DGKB: variants seen among roughly 807,000 people sequenced by gnomAD.
The protein encoded by DGKB is 90 kDa diacylglycerol kinase.
A neutral mutation model predicts 114.3 loss-of-function variants in DGKB; 67 were observed. The observed-to-expected ratio is 0.59, with a 90% CI of 0.48 to 0.72. The LOEUF is 0.72. Ranked by LOEUF, DGKB falls within the 30% of genes least tolerant of loss-of-function variation. The pLI is 0.00. For missense variants in DGKB, 907 were observed against 975.2 expected (o/e 0.93, Z 0.93); for synonymous variants, 398 against 323.1 (o/e 1.23, Z -2.49).
intron 23 of DGKB, among the ~76,000 whole-genome samples, chr7:14,213,944 T>C (rs1464877760): frequency 6.6e-6 from 1 of 152,186 alleles, no homozygotes; most frequent in Non-Finnish European, 1.5e-5. Context: ...TCCCTAGTTA[T>C]TAGTATAGTG....
intron 17 of DGKB, among the ~76,000 whole-genome samples, chr7:14,604,707 C>A (rs1293887198): frequency 6.6e-6 from 1 of 152,134 alleles, no homozygotes; most frequent in African/African-American, 2.4e-5. Flanking sequence ...ACACTCTTAG[C>A]ATGATCAGGG....
chr7:14,430,446 T>A (rs924230323), intron 21 of DGKB, among the ~76,000 whole-genome samples: 2 of 152,158 alleles, frequency 1.3e-5, no homozygotes, highest in African/African-American at 4.8e-5. Flanking sequence ...AAAATCATGA[T>A]TGGTTAACAT....
rs571108426 is a variant in DGKB at position 14,355,868 on chromosome 7, G to A, written c.1836-10477C>T. On this transcript the variant is annotated intron_variant, in intron 21 of 25. Coordinates refer to ENST00000402815, the MANE Select transcript of DGKB (RefSeq NM_001350709.2). ...GAAGGAATGGTACCAGCTCCTCCTC[G>A]TACCTCTGGTAGAATTCGGCTGTGA... Among the ~76,000 whole-genome samples, 6 of 152,258 alleles carry A rather than the reference G, an allele frequency of 3.9e-5. No homozygotes were observed. In the South Asian group the frequency reaches 6.2e-4, roughly 16 times the overall value.
At chr7:14,548,542 A>C (rs1794648609) in intron 20 of DGKB, among the ~76,000 whole-genome samples, 1 of 152,202 alleles carries the variant, frequency 6.6e-6, no homozygotes, top group African/African-American at 2.4e-5. Context: ...GGGAATGGTC[A>C]GTTTCATCCA....
At chr7:14,440,371 G>A (rs894678607) in intron 21 of DGKB, among the ~76,000 whole-genome samples, 1 of 152,004 alleles carries the variant, frequency 6.6e-6, no homozygotes, top group African/African-American at 2.4e-5. Context: ...AGTTGATCAG[G>A]ACCCTCACTC....
rs568451054 is a variant in DGKB, at chr7:14,658,718, A to C, written c.1134+14211T>G. On this transcript the variant is annotated intron_variant, in intron 13 of 25. Coordinates refer to ENST00000402815, the MANE Select transcript of DGKB (RefSeq NM_001350709.2). Reference sequence around the variant, plus strand: ...ATATTATATATCAATACAGAATAAAATTCATATTTTATATTTATAATTTTA... The same window carrying C: ...ATATTATATATCAATACAGAATAAACTTCATATTTTATATTTATAATTTTA... 1.1e-4 allele frequency among the ~76,000 whole-genome samples: 16 copies of C among 151,952 alleles called. No individual in the cohort carries two copies. In the South Asian group the frequency reaches 3.1e-3, roughly 29 times the overall value.
Position 14,540,873 on chromosome 7 carries a change from C to T in DGKB, c.1770+33339G>A, listed in dbSNP as rs189984695. Among the ~76,000 whole-genome samples, 526 of 152,298 alleles carry T rather than the reference C, an allele frequency of 3.5e-3. 2 individuals carry two copies. The highest frequency in any genetic ancestry group is 0.012 in the African/African-American group (486 of 41,564). On this transcript the variant is annotated intron_variant, in intron 20 of 25. Transcript: ENST00000402815. ...ATGTTCTGAGACAAACTGATCAACACTGTCTTCTTTTTAGCCTTGATAGAA... is the reference window on the plus strand; with the variant it reads ...ATGTTCTGAGACAAACTGATCAACATTGTCTTCTTTTTAGCCTTGATAGAA...
chr7:14,665,260 C>T (rs747253974), intron 13 of DGKB, among the ~76,000 whole-genome samples: 6 of 151,870 alleles, frequency 4.0e-5, no homozygotes, highest in Non-Finnish European at 7.4e-5. Context: ...GGCCATTTTC[C>T]TTAGGAAACT....
At chr7:14,880,520 G>T (rs974535734) in intron 1 of DGKB, among the ~76,000 whole-genome samples, 1 of 152,114 alleles carries the variant, frequency 6.6e-6, no homozygotes, top group Non-Finnish European at 1.5e-5. Context: ...GCAATGGATT[G>T]CTAGTTACTC....
chr7:14,405,165 A>C (rs1465097170), intron 21 of DGKB, among the ~76,000 whole-genome samples: 1 of 151,942 alleles, frequency 6.6e-6, no homozygotes, highest in Non-Finnish European at 1.5e-5. Context: ...ACAGTGTTGC[A>C]TATGTGGATA....
At chr7:14,299,855 G>C (rs1180557690) in intron 23 of DGKB, among the ~76,000 whole-genome samples, 2 of 151,520 alleles carry the variant, frequency 1.3e-5, no homozygotes, top group South Asian at 2.1e-4. Context: ...TATTAATCAA[G>C]GTATTATTTC....
chr7:14,193,854 C>A (rs12699576), intron 23 of DGKB, among the ~76,000 whole-genome samples: 64,253 of 151,494 alleles, frequency 0.42, 13,821 homozygotes, highest in East Asian at 0.56. Context: ...GGGAAAAAAA[C>A]CCCCAAATAC....
intron 1 of DGKB, among the ~76,000 whole-genome samples, chr7:14,938,431 G>A (rs1433459071): frequency 6.6e-6 from 1 of 151,980 alleles, no homozygotes; most frequent in African/African-American, 2.4e-5. Context: ...AATAAATAAA[G>A]AAAACTTTCA....
At chr7:14,571,140 A>G (rs1798320086) in intron 20 of DGKB, among the ~76,000 whole-genome samples, 1 of 152,216 alleles carries the variant, frequency 6.6e-6, no homozygotes, top group Non-Finnish European at 1.5e-5. Flanking sequence ...GAAATTGACC[A>G]AAGCATATAA....
At chr7:14,692,587 TA>T (rs763920671) in intron 9 of DGKB, among the ~76,000 whole-genome samples, 9 of 151,830 alleles carry the variant, frequency 5.9e-5, no homozygotes, top group East Asian at 3.9e-4. Flanking sequence ...TATGGTATTA[TA>T]AAAAAATACT....
At chr7:14,482,760 C>T (rs952822281) in intron 20 of DGKB, among the ~76,000 whole-genome samples, 4 of 152,114 alleles carry the variant, frequency 2.6e-5, no homozygotes, top group African/African-American at 7.2e-5. Flanking sequence ...GTACTATGCT[C>T]TCCTGACAAT....
intron 17 of DGKB, among the ~76,000 whole-genome samples, chr7:14,605,841 T>C (rs989048120): frequency 1.3e-5 from 2 of 152,170 alleles, no homozygotes; most frequent in Non-Finnish European, 2.9e-5. Flanking sequence ...GGACATGCTA[T>C]GCAGTAAGTA....
chr7:14,765,067 T>C (rs918844944), intron 2 of DGKB, among the ~76,000 whole-genome samples: 6 of 152,004 alleles, frequency 3.9e-5, no homozygotes, highest in African/African-American at 1.4e-4. Context: ...GGAACTATTG[T>C]TAAAAATAAT....
intron 1 of DGKB, among the ~76,000 whole-genome samples, chr7:14,869,268 C>T (rs925573108): frequency 1.3e-5 from 2 of 152,074 alleles, no homozygotes; most frequent in African/African-American, 4.8e-5. Flanking sequence ...AGATTTTAGC[C>T]TTGCCTTTTA....
Sources: gnomAD v4.1 joint callset for allele counts (sites outside exome capture counted in the v4.1 genomes callset) on GRCh38, gnomAD v4.1.1 for gene constraint, MANE v1.5 for transcripts, NCBI Gene and HGNC (gene_info 2026-07-23, HGNC 2026-07-21) for gene names.